Variants in WDR72 observed in about 807,000 individuals in gnomAD.
The protein encoded by WDR72 is WD repeat domain 72.
WDR72 carries 120 observed loss-of-function variants against 124.2 expected under a neutral mutation model. The ratio of observed to expected loss-of-function variants is 0.97; its 90% CI spans 0.83 to 1.12. The LOEUF (loss-of-function observed/expected upper bound fraction) is 1.12. WDR72 is among the 50% of genes most tolerant of loss of function. WDR72 has a pLI of 0.00. For missense variants in WDR72, 1,387 were observed against 1,278.8 expected (o/e 1.08, Z -1.29); for synonymous variants, 452 against 441.7 (o/e 1.02, Z -0.29).
At chr15:53,682,469 T>C (rs1460775745) in intron 13 of WDR72, among the ~76,000 whole-genome samples, 1 of 152,192 alleles carries the variant, frequency 6.6e-6, no homozygotes, top group Admixed American at 6.5e-5. Flanking sequence ...TTAATTTGGT[T>C]CAAAGTAAGG....
At chr15:53,759,062 A>G (rs1432553447) in intron 1 of WDR72, among the ~76,000 whole-genome samples, 2 of 152,114 alleles carry the variant, frequency 1.3e-5, no homozygotes, top group African/African-American at 4.8e-5. Flanking sequence ...CAAGCGGCAG[A>G]GCAAGGAAAG....
In WDR72 at chr15:53,711,498, A is replaced by G. The variant is rs2140547415; in HGVS notation, c.712-17T>C. On this transcript the variant is annotated splice_polypyrimidine_tract_variant and intron_variant, in intron 7 of 19. Coordinates refer to ENST00000360509, the MANE Select transcript of WDR72 (RefSeq NM_182758.4). ...ATCATAAACCTAAAATATGAAGTTG[A>G]TGCACATTATCAAAGGCTTAAATCT... is the stretch of plus-strand genomic sequence containing the variant. 1 of 1,613,788 alleles carries G rather than the reference A, an allele frequency of 6.2e-7. No homozygotes were observed. The highest frequency in any genetic ancestry group is 2.2e-5 in the East Asian group (1 of 44,880).
At chr15:53,719,590 T>C (rs537538993) in intron 3 of WDR72, among the ~76,000 whole-genome samples, 9 of 152,322 alleles carry the variant, frequency 5.9e-5, no homozygotes, top group African/African-American at 2.2e-4. Flanking sequence ...ATGAATGATA[T>C]CGTTACTAAT....
At chr15:53,536,470 G>A (rs1039348010) in intron 18 of WDR72, among the ~76,000 whole-genome samples, 1 of 152,206 alleles carries the variant, frequency 6.6e-6, no homozygotes, top group Admixed American at 6.5e-5. Flanking sequence ...GAAACGCTAT[G>A]ATCATGGGGC....
chr15:53,540,262 T>C (rs1167240785), intron 18 of WDR72, among the ~76,000 whole-genome samples: 1 of 152,154 alleles, frequency 6.6e-6, no homozygotes, highest in Non-Finnish European at 1.5e-5. Flanking sequence ...ATAAAGTAGA[T>C]GTAATAATCA....
chr15:53,615,673 C>T lies in WDR72; in HGVS notation c.2533G>A (p.Gly845Ser), dbSNP rs1190722777. 3 of 1,611,504 alleles carry T rather than the reference C, an allele frequency of 1.9e-6. No individual in the cohort carries two copies. Among genetic ancestry groups the T allele is most frequent in the African/African-American group, 1.3e-5 (1 of 74,710 alleles). The stretch of plus-strand genomic sequence containing the variant: ...ATTCCACTATTGCATAAATCCCAAC[C>T]TGGCAACATCAGTGAGAAATTATCT... ...NEDNFSLMLP[G>S]WDLCNSGMIK... Residue 845 changes from glycine to serine, a missense_variant, in exon 15 of 20, where the codon GGT becomes AGT. Coordinates refer to ENST00000360509, the MANE Select transcript of WDR72 (RefSeq NM_182758.4).
chr15:53,653,662 G>A (rs921312038), intron 14 of WDR72, among the ~76,000 whole-genome samples: 4 of 152,126 alleles, frequency 2.6e-5, no homozygotes, highest in African/African-American at 9.6e-5. Context: ...ATAATGGAAT[G>A]CTCATTCTTA....
chr15:53,729,201 A>G (rs1376286890), intron 2 of WDR72, among the ~76,000 whole-genome samples: 1 of 151,884 alleles, frequency 6.6e-6, no homozygotes, highest in Non-Finnish European at 1.5e-5. Context: ...TCTCTTCTTA[A>G]TGTCTTTTCA....
intron 13 of WDR72, among the ~76,000 whole-genome samples, chr15:53,673,363 AAATGATCAAGAGG>A (rs1266473640): frequency 6.6e-6 from 1 of 152,232 alleles, no homozygotes; most frequent in African/African-American, 2.4e-5. Flanking sequence ...ATCCATCTGC[AAATGATCAAGAGG>A]AAATTAAGAC....
At chr15:53,622,884 C>T (rs1422950703) in intron 14 of WDR72, among the ~76,000 whole-genome samples, 2 of 152,060 alleles carry the variant, frequency 1.3e-5, no homozygotes, top group African/African-American at 2.4e-5. Context: ...CTACCCTCCC[C>T]GCAAAACAGC....
intron 13 of WDR72, among the ~76,000 whole-genome samples, chr15:53,681,793 G>A (rs954701575): frequency 2.0e-5 from 3 of 151,428 alleles, no homozygotes; most frequent in Admixed American, 6.6e-5. Flanking sequence ...AAGATGCCAG[G>A]AGAACCAAAA....
intron 13 of WDR72, among the ~76,000 whole-genome samples, chr15:53,670,102 C>T (rs2015934741): frequency 6.6e-6 from 1 of 152,024 alleles, no homozygotes; most frequent in Admixed American, 6.6e-5. Context: ...TCTATAAAAT[C>T]TATTGTAAGT....
intron 14 of WDR72, among the ~76,000 whole-genome samples, chr15:53,629,313 A>T (rs1218765339): frequency 6.6e-6 from 1 of 152,130 alleles, no homozygotes; most frequent in African/African-American, 2.4e-5. Flanking sequence ...TCTATAACAC[A>T]GGGAAACTAA....
rs1039471265 is a variant in WDR72, at chr15:53,668,669, C to T, written c.1766-2901G>A. ...CTGTAATCTTAGCACTTTGGGAGGG[C>T]GAGACGGGTGGATCAGGTGAGTCCA... On this transcript the variant is annotated intron_variant, in intron 13 of 19. Transcript: ENST00000360509. Among the ~76,000 whole-genome samples, 7 of 151,876 alleles carry T rather than the reference C, an allele frequency of 4.6e-5. No individual in the cohort carries two copies. In the East Asian group the frequency reaches 5.8e-4, roughly 13 times the overall value.
intron 1 of WDR72, among the ~76,000 whole-genome samples, chr15:53,749,230 A>G (rs1257491612): frequency 6.6e-6 from 1 of 152,070 alleles, no homozygotes; most frequent in Non-Finnish European, 1.5e-5. Flanking sequence ...TATAGGCACC[A>G]TTTTTTCCAA....
Position 53,637,059 on chromosome 15 carries a change from T to A in WDR72, c.1963-20816A>T, listed in dbSNP as rs375106144. ...TAACCTACTTTCTATGGCTACAGAT[T>A]TTCCTTTTTTGGACATTTCATTATA... is the stretch of plus-strand genomic sequence containing the variant. On this transcript the variant is annotated intron_variant, in intron 14 of 19. Transcript: ENST00000360509. Among the ~76,000 whole-genome samples the A allele has an allele frequency of 6.6e-4, 100 of 152,276 alleles. 4 individuals are homozygous for A. The South Asian group carries it at 0.02, about 31-fold the overall frequency.
chr15:53,616,137 A>T lies in WDR72; in HGVS notation c.2069T>A (p.Val690Asp). 6.2e-7 allele frequency: 1 copy of T among 1,604,766 alleles called. No homozygotes were observed. Residue 690 changes from valine (V) to aspartate (D), a missense_variant, in exon 15 of 20, where the codon GTT (valine) becomes GAT (aspartate). Transcript: ENST00000360509. Reference protein sequence around the residue: ...HILLFDLENLVELLLPTPLSD... With the variant: ...HILLFDLENLDELLLPTPLSD... ...GAGTGGAGTTGGTAGCAAAAGTTCA[A>T]CAAGGTTTTCCAGATCAAATAGAAG...
chr15:53,670,335 A>G (rs969586563), intron 13 of WDR72, among the ~76,000 whole-genome samples: 2 of 152,252 alleles, frequency 1.3e-5, no homozygotes, highest in Non-Finnish European at 1.5e-5. Flanking sequence ...AAAAGTCAGC[A>G]CACAGAAATA....
chr15:53,743,880 C>T (rs1388210426), intron 1 of WDR72, among the ~76,000 whole-genome samples: 1 of 151,182 alleles, frequency 6.6e-6, no homozygotes, highest in African/African-American at 2.4e-5. Flanking sequence ...GAGGCTGAGG[C>T]AGGAGAATGG....
Sources: allele counts gnomAD v4.1 joint callset (sites outside exome capture counted in the v4.1 genomes callset), GRCh38; gene constraint gnomAD v4.1.1; transcripts MANE v1.5; gene names NCBI Gene and HGNC (gene_info 2026-07-23, HGNC 2026-07-21).